Variants in KANSL1 observed in about 807,000 individuals in gnomAD.
KANSL1 encodes the protein KAT8 regulatory NSL complex subunit 1, also known as MLL1/MLL complex subunit KANSL1.
KANSL1 carries 22 observed loss-of-function variants against 103.6 expected under a neutral mutation model. The observed-to-expected ratio is 0.21, with a 90% CI of 0.15 to 0.30. The LOEUF (loss-of-function observed/expected upper bound fraction) is 0.30. KANSL1 is among the 10% of genes least tolerant of loss of function. The pLI is 1.00. For synonymous variants in KANSL1, 600 were observed against 527.6 expected (o/e 1.14, Z -1.88); for missense variants, 1,337 against 1,399.8 (o/e 0.96, Z 0.72).
At chr17:46,190,196 A>G (rs1016050206) in intron 1 of KANSL1, among the ~76,000 whole-genome samples, 4 of 152,260 alleles carry the variant, frequency 2.6e-5, no homozygotes, top group African/African-American at 9.6e-5. Flanking sequence ...AGCCTTAGTG[A>G]CAGTGAAGAA....
chr17:46,144,806 G>C (rs546819436), intron 2 of KANSL1, among the ~76,000 whole-genome samples: 5 of 152,074 alleles, frequency 3.3e-5, no homozygotes, highest in African/African-American at 1.2e-4. Flanking sequence ...CTTTCTATGT[G>C]CAAAGACAGT....
chr17:46,090,229 A>T (rs2079329469), intron 3 of KANSL1, among the ~76,000 whole-genome samples: 1 of 152,206 alleles, frequency 6.6e-6, no homozygotes, highest in Non-Finnish European at 1.5e-5. Context: ...AAAGACAAGG[A>T]AGGATTCTTC....
At chr17:46,152,582 A>AG (rs35438677) in intron 2 of KANSL1, among the ~76,000 whole-genome samples, 2,606 of 100,320 alleles carry the variant, frequency 0.026, 23 homozygotes, top group Middle Eastern at 0.067. Context: ...ATAGACACAA[A>AG]GGGGGGGGGG....
intron 10 of KANSL1, chr17:46,034,687 C>CT (rs1178484046): frequency 1.0e-5 from 2 of 198,904 alleles, no homozygotes; most frequent in Non-Finnish European, 2.0e-5. Flanking sequence ...ATAGTGGCCC[C>CT]TCCCCTAAAA....
chr17:46,202,073 G>A (rs973213354), intron 1 of KANSL1, among the ~76,000 whole-genome samples: 2 of 152,170 alleles, frequency 1.3e-5, no homozygotes, highest in African/African-American at 2.4e-5. Context: ...AGCTACCTGG[G>A]AGGCTGAGGC....
intron 1 of KANSL1, among the ~76,000 whole-genome samples, chr17:46,175,910 A>T (rs1472288677): frequency 2.0e-5 from 3 of 152,266 alleles, no homozygotes; most frequent in Non-Finnish European, 4.4e-5. Flanking sequence ...ATTGTGTTAT[A>T]GACCAGTTGA....
At chr17:46,095,169 A>G (rs1207200106) in intron 2 of KANSL1, among the ~76,000 whole-genome samples, 2 of 152,278 alleles carry the variant, frequency 1.3e-5, no homozygotes, top group Admixed American at 1.3e-4. Context: ...CTAATGATAT[A>G]TTAAATATCT....
At chr17:46,068,478 G>A (rs925571227) in intron 4 of KANSL1, among the ~76,000 whole-genome samples, 3 of 152,060 alleles carry the variant, frequency 2.0e-5, no homozygotes, top group Non-Finnish European at 4.4e-5. Flanking sequence ...GAGGTGGGAG[G>A]AGGATCACCT....
At chr17:46,161,733 C>T (rs563361735) in intron 2 of KANSL1, among the ~76,000 whole-genome samples, 1 of 152,270 alleles carries the variant, frequency 6.6e-6, no homozygotes, top group East Asian at 1.9e-4. Context: ...ACTATGACAC[C>T]TCTCTCTAGT....
intron 2 of KANSL1, among the ~76,000 whole-genome samples, chr17:46,144,773 A>G (rs1567726181): frequency 6.6e-6 from 1 of 150,670 alleles, no homozygotes; most frequent in Non-Finnish European, 1.5e-5. Flanking sequence ...CTCACAAACA[A>G]ATGATGATGA....
chr17:46,033,294 G>A, intron 12 of KANSL1, 102 bp from the exon 13 acceptor site: 2 of 1,429,490 alleles, frequency 1.4e-6, no homozygotes, highest in Non-Finnish European at 2.0e-6. Flanking sequence ...AATACAAGGA[G>A]CTTGCACTTC....
chr17:46,110,113 T>C (rs2042738455), intron 2 of KANSL1, among the ~76,000 whole-genome samples: 1 of 152,220 alleles, frequency 6.6e-6, no homozygotes, highest in Non-Finnish European at 1.5e-5. Context: ...TAAAAAGCTT[T>C]CTGGCAATAC....
intron 2 of KANSL1, among the ~76,000 whole-genome samples, chr17:46,105,590 A>G (rs75183956): frequency 0.14 from 21,504 of 151,648 alleles, 2,087 homozygotes; most frequent in Non-Finnish European, 0.22. Flanking sequence ...ACTCCAGACC[A>G]GGTGACAAGA....
intron 4 of KANSL1, among the ~76,000 whole-genome samples, chr17:46,068,685 A>T (rs2078469618): frequency 6.6e-6 from 1 of 152,256 alleles, no homozygotes; most frequent in Admixed American, 6.5e-5. Context: ...TATTGTCTTT[A>T]GAGTATTCAA....
At chr17:46,124,843 T>C (rs1045745612) in intron 2 of KANSL1, among the ~76,000 whole-genome samples, 2 of 151,342 alleles carry the variant, frequency 1.3e-5, no homozygotes, top group African/African-American at 4.9e-5. Context: ...TGCAATCTCG[T>C]GATAAAACTG....
rs184780116 is a variant in KANSL1 at position 46,075,308 on chromosome 17, C to A, written c.1533+7133G>T. ...TGTTAAGATTAGAGAAAGCTCCGTA[C>A]GGAGACTCTGTACTACTATTTCAAC... On this transcript the variant is annotated intron_variant, in intron 4 of 14. Transcript: ENST00000432791. Among the ~76,000 whole-genome samples the A allele has an allele frequency of 2.2e-3, 336 of 152,210 alleles. 4 individuals are homozygous for A. Among genetic ancestry groups the A allele is most frequent in the Non-Finnish European group, 1.8e-3 (123 of 68,014 alleles).
chr17:46,072,820 T>A (rs903703398), intron 4 of KANSL1, among the ~76,000 whole-genome samples: 2 of 152,246 alleles, frequency 1.3e-5, no homozygotes, highest in Non-Finnish European at 2.9e-5. Context: ...CTCATTTTTT[T>A]AAAGTTTTGA....
chr17:46,124,972 C>A (rs549327020), intron 2 of KANSL1, among the ~76,000 whole-genome samples: 87 of 147,370 alleles, frequency 5.9e-4, no homozygotes, highest in African/African-American at 2.1e-3. Flanking sequence ...AATTAGAAAT[C>A]GAGAATTAGA....
Position 46,052,964 on chromosome 17 carries a change from C to CAAAAAAAAAAA in KANSL1, c.1849-2271_1849-2261dup, listed in dbSNP as rs34473927. Among the ~76,000 whole-genome samples, 12 of 32,996 alleles carry CAAAAAAAAAAA rather than the reference C, an allele frequency of 3.6e-4. 1 individual carries two copies. Among genetic ancestry groups the CAAAAAAAAAAA allele is most frequent in the East Asian group, 8.1e-4 (1 of 1,238 alleles). 21.6% of individuals were successfully genotyped at this position (32,996 alleles called of 152,430 possible). Reference sequence around the variant, plus strand: ...GGGAAAAAGAGTAAGATCCTGTCTCCAAAAAAAAAAAAAAAAAAAAAAAAA... The same window carrying CAAAAAAAAAAA: ...GGGAAAAAGAGTAAGATCCTGTCTCCAAAAAAAAAAAAAAAAAAAAAAAAAAAAAAAAAAAA... On this transcript the variant is annotated intron_variant, in intron 6 of 14. Transcript: ENST00000432791.
Sources: gnomAD v4.1 joint callset for allele counts (sites outside exome capture counted in the v4.1 genomes callset) on GRCh38, gnomAD v4.1.1 for gene constraint, MANE v1.5 for transcripts, NCBI Gene and HGNC (gene_info 2026-07-23, HGNC 2026-07-21) for gene names.